Variants in IL1RAPL2 observed in about 807,000 individuals in gnomAD.
The protein encoded by IL1RAPL2 is interleukin 1 receptor accessory protein like 2, also known as X-linked interleukin-1 receptor accessory protein-like 2.
A neutral mutation model predicts 44.1 loss-of-function variants in IL1RAPL2; 3 were observed. The ratio of observed to expected loss-of-function variants is 0.07; its 90% CI spans 0.03 to 0.18. IL1RAPL2 has a LOEUF of 0.18. Among genes scored for constraint, IL1RAPL2 ranks in the 10% least tolerant of loss-of-function variants. IL1RAPL2 has a pLI of 1.00. For missense variants in IL1RAPL2, 391 were observed against 496.4 expected (o/e 0.79, Z 2.02); for synonymous variants, 181 against 178.8 (o/e 1.01, Z -0.10).
chrX:105,117,317 G>GT (rs1355971664), intron 2 of IL1RAPL2, among the ~76,000 whole-genome samples: 1 of 111,897 alleles, frequency 8.9e-6, no homozygotes, highest in African/African-American at 3.3e-5. Flanking sequence ...TGGGTTTTGG[G>GT]TTTTTGACTT....
In IL1RAPL2 at chrX:105,026,055, T is replaced by C. The variant is rs1035639286; in HGVS notation, c.83-169420T>C. 2.7e-5 allele frequency among the ~76,000 whole-genome samples: 3 copies of C among 110,323 alleles called. No homozygotes were observed. In the Admixed American group the frequency reaches 2.9e-4, roughly 11 times the overall value. On this transcript the variant is annotated intron_variant, in intron 2 of 10. Coordinates refer to ENST00000372582, the MANE Select transcript of IL1RAPL2 (RefSeq NM_017416.2). The stretch of plus-strand genomic sequence containing the variant: ...GGGACCAGGAATCTGCGGAAAAGCA[T>C]TGATGGGGGAATGGGCTCCAGAAAC...
chrX:105,320,201 A>G (rs2034886902), intron 5 of IL1RAPL2, among the ~76,000 whole-genome samples: 1 of 111,947 alleles, frequency 8.9e-6, no homozygotes, highest in Admixed American at 9.5e-5. Flanking sequence ...CAGCTACGAT[A>G]GAACTGGGAA....
chrX:105,543,339 A>C (rs1318511757), intron 6 of IL1RAPL2, among the ~76,000 whole-genome samples: 1 of 112,468 alleles, frequency 8.9e-6, no homozygotes, highest in Admixed American at 9.4e-5. Flanking sequence ...GCAGTGCATC[A>C]AATAGGTTGA....
intron 5 of IL1RAPL2, among the ~76,000 whole-genome samples, chrX:105,397,322 A>G (rs182655799): frequency 1.8e-3 from 195 of 111,414 alleles, no homozygotes; most frequent in Non-Finnish European, 2.9e-3. Context: ...CCATGAAACC[A>G]GTTCCTTGTG....
At chrX:104,791,772 T>C (rs1208096231) in intron 2 of IL1RAPL2, among the ~76,000 whole-genome samples, 1 of 111,608 alleles carries the variant, frequency 9.0e-6, no homozygotes, top group Non-Finnish European at 1.9e-5. Flanking sequence ...GGCTACTCCC[T>C]TCCTCTTACT....
intron 5 of IL1RAPL2, among the ~76,000 whole-genome samples, chrX:105,315,578 G>GTATATATATATATATATA (rs771525814): frequency 0.013 from 275 of 21,796 alleles, 81 homozygotes; most frequent in Non-Finnish European, 0.033. Flanking sequence ...ACTAATGGAT[G>GTATATATATATATATATA]TATATATATA....
At chrX:105,687,762 A>G (rs745605512) in intron 6 of IL1RAPL2, among the ~76,000 whole-genome samples, 5 of 111,684 alleles carry the variant, frequency 4.5e-5, no homozygotes, top group African/African-American at 1.6e-4. Context: ...CCTGGCAGAG[A>G]CACAACAAAA....
intron 2 of IL1RAPL2, among the ~76,000 whole-genome samples, chrX:104,973,897 G>A (rs1450615710): frequency 9.0e-6 from 1 of 111,182 alleles, no homozygotes; most frequent in Non-Finnish European, 1.9e-5. Flanking sequence ...ATTCTTTCTT[G>A]CAAAAAATAT....
intron 1 of IL1RAPL2, among the ~76,000 whole-genome samples, chrX:104,599,650 G>GCA (rs35769134): frequency 0.14 from 11,822 of 85,963 alleles, 861 homozygotes; most frequent in Middle Eastern, 0.2. Flanking sequence ...GATGGATTTA[G>GCA]CACACACACA....
chrX:104,610,052 T>C (rs1378635795), intron 1 of IL1RAPL2, among the ~76,000 whole-genome samples: 1 of 111,745 alleles, frequency 8.9e-6, no homozygotes. Flanking sequence ...ATGTCCTTTG[T>C]GTTGATGTTG....
chrX:105,200,859 C>T (rs952031274), intron 3 of IL1RAPL2, among the ~76,000 whole-genome samples: 2 of 110,667 alleles, frequency 1.8e-5, no homozygotes, highest in Admixed American at 9.6e-5. Flanking sequence ...TGCAGTAAGC[C>T]GAGATTGTGC....
chrX:105,664,259 G>C (rs2037740788), intron 6 of IL1RAPL2, among the ~76,000 whole-genome samples: 2 of 111,872 alleles, frequency 1.8e-5, no homozygotes, highest in Admixed American at 9.5e-5. Flanking sequence ...TAATGCAAAT[G>C]AAAGTGCCAT....
chrX:105,416,643 C>G (rs182368060), intron 5 of IL1RAPL2, among the ~76,000 whole-genome samples: 33 of 112,103 alleles, frequency 2.9e-4, no homozygotes, highest in African/African-American at 1.0e-3. Context: ...CTACTATTTT[C>G]TCTACTGCCA....
chrX:105,361,184 A>G (rs2147711452), intron 5 of IL1RAPL2, among the ~76,000 whole-genome samples: 1 of 111,382 alleles, frequency 9.0e-6, no homozygotes, highest in South Asian at 3.8e-4. Context: ...AATTGAGCAA[A>G]TTCAGAACAG....
chrX:104,737,144 A>C (rs1371316197), intron 2 of IL1RAPL2, among the ~76,000 whole-genome samples: 1 of 112,862 alleles, frequency 8.9e-6, no homozygotes, highest in African/African-American at 3.2e-5. Context: ...GGCCATGGAA[A>C]ACTAAAGTAT....
chrX:105,311,611 TACACACAC>T (rs369751919), intron 5 of IL1RAPL2, among the ~76,000 whole-genome samples: 2 of 92,557 alleles, frequency 2.2e-5, no homozygotes, highest in East Asian at 6.5e-4. Context: ...TATACATACA[TACACACAC>T]ACACACACAC....
intron 5 of IL1RAPL2, among the ~76,000 whole-genome samples, chrX:105,373,782 G>C (rs1474700780): frequency 1.8e-5 from 2 of 110,662 alleles, no homozygotes; most frequent in African/African-American, 6.6e-5. Flanking sequence ...AAATGAGTAG[G>C]GAGTCCTTTC....
chrX:104,805,230 TA>T (rs777602378), intron 2 of IL1RAPL2, among the ~76,000 whole-genome samples: 76 of 112,018 alleles, frequency 6.8e-4, no homozygotes, highest in African/African-American at 2.3e-3. Context: ...TGTTAATGCC[TA>T]GTGTTCCATT....
chrX:105,096,491 C>T (rs776704220), intron 2 of IL1RAPL2, among the ~76,000 whole-genome samples: 1 of 112,358 alleles, frequency 8.9e-6, no homozygotes, highest in South Asian at 3.7e-4. Context: ...GTGTTATAAC[C>T]ACACAATGGA....
Sources: gnomAD v4.1 joint callset for allele counts (sites outside exome capture counted in the v4.1 genomes callset) on GRCh38, gnomAD v4.1.1 for gene constraint, MANE v1.5 for transcripts, NCBI Gene and HGNC (gene_info 2026-07-23, HGNC 2026-07-21) for gene names.